The following DLG2 variants were observed in gnomAD, a reference collection of about 807,000 sequenced individuals.
The protein encoded by DLG2 is disks large homolog 2.
Under a neutral mutation model 132.5 loss-of-function variants are expected in DLG2, and 45 were observed. The ratio of observed to expected loss-of-function variants is 0.34; its 90% CI spans 0.27 to 0.44. The LOEUF (loss-of-function observed/expected upper bound fraction) is 0.44. Ranked by LOEUF, DLG2 falls within the 20% of genes least tolerant of loss-of-function variation. DLG2 has a pLI of 1.00. For missense variants in DLG2, 1,045 were observed against 1,196.9 expected, an observed-to-expected ratio of 0.87 and a Z score of 1.87; for synonymous variants, 424 against 419.6, an observed-to-expected ratio of 1.01 and a Z score of -0.13.
chr11:84,433,363 G>A (rs1346071616), intron 7 of DLG2, among the ~76,000 whole-genome samples: 1 of 152,062 alleles, frequency 6.6e-6, no homozygotes, highest in Non-Finnish European at 1.5e-5. Flanking sequence ...TCTTCAACTG[G>A]CCTTTTAGAG....
intron 11 of DLG2, among the ~76,000 whole-genome samples, chr11:84,015,092 T>G (rs1458791291): frequency 6.6e-6 from 1 of 152,182 alleles, no homozygotes; most frequent in Non-Finnish European, 1.5e-5. Flanking sequence ...TTTGTACATT[T>G]AATCATTCAC....
chr11:83,828,172 T>C (rs557718359), intron 17 of DLG2, among the ~76,000 whole-genome samples: 1 of 152,234 alleles, frequency 6.6e-6, no homozygotes, highest in Admixed American at 6.5e-5. Context: ...CCTTAAAACA[T>C]AGTAAAACGT....
intron 3 of DLG2, among the ~76,000 whole-genome samples, chr11:85,344,649 T>A (rs552697754): frequency 2.6e-5 from 4 of 152,320 alleles, no homozygotes; most frequent in Admixed American, 2.6e-4. Flanking sequence ...CAAAGTATAG[T>A]GATCTATCAT....
chr11:84,452,565 T>A (rs1250104430), intron 7 of DLG2, among the ~76,000 whole-genome samples: 2 of 151,642 alleles, frequency 1.3e-5, no homozygotes, highest in African/African-American at 2.4e-5. Flanking sequence ...AATATGAAAA[T>A]TTTTAAAAAG....
At chr11:85,483,332 AT>A (rs1283045452) in intron 3 of DLG2, among the ~76,000 whole-genome samples, 1 of 152,122 alleles carries the variant, frequency 6.6e-6, no homozygotes, top group African/African-American at 2.4e-5. Flanking sequence ...AGTGTAAAAA[AT>A]TTTTTTTAAA....
In DLG2 at chr11:85,356,600, G is replaced by T. The variant is rs79258660; in HGVS notation, c.41-71235C>A. Among the ~76,000 whole-genome samples, 78 of 152,274 alleles carry T rather than the reference G, an allele frequency of 5.1e-4. No homozygotes were observed. In the East Asian group the frequency reaches 0.014, roughly 27 times the overall value. On this transcript the variant is annotated intron_variant, in intron 3 of 27. Transcript: ENST00000376104. Reference sequence around the variant, plus strand: ...AAGAATGATATGAATTTCTACAGCAGCATTTTATTCCTTGAGCATGTACTA... The same window carrying T: ...AAGAATGATATGAATTTCTACAGCATCATTTTATTCCTTGAGCATGTACTA...
intron 11 of DLG2, among the ~76,000 whole-genome samples, chr11:84,014,458 A>G (rs1446219932): frequency 1.3e-5 from 2 of 152,192 alleles, no homozygotes; most frequent in Non-Finnish European, 2.9e-5. Context: ...ATATACATTA[A>G]TGTTTTAAAT....
chr11:83,889,162 A>T (rs1325820216), intron 15 of DLG2, among the ~76,000 whole-genome samples: 1 of 152,188 alleles, frequency 6.6e-6, no homozygotes, highest in East Asian at 1.9e-4. Flanking sequence ...CATCAGAGTG[A>T]ACAGGAAACC....
chr11:84,364,879 T>G (rs1293706371), intron 7 of DLG2, among the ~76,000 whole-genome samples: 1 of 152,200 alleles, frequency 6.6e-6, no homozygotes, highest in Non-Finnish European at 1.5e-5. Flanking sequence ...TCATGGTGGA[T>G]AAGCTTTTTG....
chr11:85,283,802 C>A (rs2078385340), intron 4 of DLG2, among the ~76,000 whole-genome samples: 1 of 150,784 alleles, frequency 6.6e-6, no homozygotes, highest in Admixed American at 6.6e-5. Context: ...AACAGCTTGA[C>A]AATTTGTATC....
intron 3 of DLG2, among the ~76,000 whole-genome samples, chr11:85,425,635 T>C (rs766806378): frequency 1.1e-3 from 162 of 152,004 alleles, no homozygotes; most frequent in Admixed American, 2.1e-3. Flanking sequence ...AAAATAATTC[T>C]AAACAAGAAA....
chr11:84,266,178 T>C (rs949716853), intron 7 of DLG2, among the ~76,000 whole-genome samples: 2 of 152,232 alleles, frequency 1.3e-5, no homozygotes, highest in African/African-American at 4.8e-5. Flanking sequence ...GTGTTAGTTT[T>C]TCGTGGCCTC....
intron 6 of DLG2, chr11:84,997,517 G>A (rs1466234985): frequency 1.3e-5 from 2 of 152,064 alleles, no homozygotes; most frequent in Non-Finnish European, 2.9e-5. Context: ...TCTTTGTCCT[G>A]GGAGGTTTTC....
At chr11:83,603,044 A>G (rs995884606) in intron 19 of DLG2, among the ~76,000 whole-genome samples, 1 of 151,164 alleles carries the variant, frequency 6.6e-6, no homozygotes, top group Non-Finnish European at 1.5e-5. Flanking sequence ...ATGTGTGTGC[A>G]TGTGTGTGTA....
At chr11:84,870,219 A>AGAAT (rs2085266288) in intron 6 of DLG2, among the ~76,000 whole-genome samples, 1 of 152,204 alleles carries the variant, frequency 6.6e-6, no homozygotes, top group African/African-American at 2.4e-5. Flanking sequence ...ACATCACCCA[A>AGAAT]AGAGAATAGA....
intron 19 of DLG2, among the ~76,000 whole-genome samples, chr11:83,549,206 C>T (rs145562612): frequency 3.9e-5 from 6 of 152,250 alleles, no homozygotes; most frequent in Admixed American, 1.3e-4. Flanking sequence ...GCTCTCTGCT[C>T]CATCCCACTG....
At chr11:85,100,467 C>T (rs770784172) in intron 6 of DLG2, among the ~76,000 whole-genome samples, 1 of 152,030 alleles carries the variant, frequency 6.6e-6, no homozygotes, top group Non-Finnish European at 1.5e-5. Flanking sequence ...GAGAAAAAGA[C>T]GATTTTAACA....
At chr11:83,522,057 G>C (rs2095494092) in intron 21 of DLG2, among the ~76,000 whole-genome samples, 1 of 152,120 alleles carries the variant, frequency 6.6e-6, no homozygotes, top group African/African-American at 2.4e-5. Context: ...CCTTACCACT[G>C]CCCCATTGTG....
At chr11:84,404,416 C>A (rs1346941666) in intron 7 of DLG2, among the ~76,000 whole-genome samples, 1 of 152,100 alleles carries the variant, frequency 6.6e-6, no homozygotes, top group African/African-American at 2.4e-5. Flanking sequence ...ACAAAGTTAG[C>A]ACCCTCACCT....
Sources: allele counts gnomAD v4.1 joint callset (sites outside exome capture counted in the v4.1 genomes callset), GRCh38; gene constraint gnomAD v4.1.1; transcripts MANE v1.5; gene names NCBI Gene and HGNC (gene_info 2026-07-23, HGNC 2026-07-21).